The following SYT9 variants were observed in gnomAD, a reference collection of about 807,000 sequenced individuals.
SYT9 encodes the protein synaptotagmin-9.
In SYT9, 22 loss-of-function variants were observed where a neutral mutation model predicts 48.4. The observed-to-expected ratio is 0.45, with a 90% CI of 0.32 to 0.65. SYT9 has a LOEUF of 0.65. Among genes scored for constraint, SYT9 ranks in the 30% least tolerant of loss-of-function variants. SYT9 has a pLI of 0.03. For synonymous variants in SYT9, 265 were observed against 245.0 expected, an observed-to-expected ratio of 1.08 and a Z score of -0.76; for missense variants, 577 against 622.0, an observed-to-expected ratio of 0.93 and a Z score of 0.77.
chr11:7,404,506 A>G (rs915053607), intron 3 of SYT9, among the ~76,000 whole-genome samples: 2 of 152,176 alleles, frequency 1.3e-5, no homozygotes, highest in African/African-American at 4.8e-5. Flanking sequence ...TTTAGAGTAT[A>G]TATCTTTAAC....
At chr11:7,413,712 G>T (rs1590010456) in intron 3 of SYT9, among the ~76,000 whole-genome samples, 2 of 151,166 alleles carry the variant, frequency 1.3e-5, no homozygotes, top group South Asian at 4.2e-4. Context: ...TTGCTATTTT[G>T]GTTCTTTTCC....
intron 3 of SYT9, among the ~76,000 whole-genome samples, chr11:7,361,750 C>G (rs770609391): frequency 1.3e-5 from 2 of 152,130 alleles, no homozygotes; most frequent in Non-Finnish European, 2.9e-5. Context: ...GAAATGAGAT[C>G]AGCTGCATGT....
At chr11:7,452,710 A>T (rs1393962854) in intron 6 of SYT9, among the ~76,000 whole-genome samples, 1 of 151,880 alleles carries the variant, frequency 6.6e-6, no homozygotes, top group Non-Finnish European at 1.5e-5. Flanking sequence ...TTGCCCAGAG[A>T]GCTTTGAACG....
chr11:7,347,915 A>C (rs868387478), intron 3 of SYT9, among the ~76,000 whole-genome samples: 1 of 152,314 alleles, frequency 6.6e-6, no homozygotes, highest in Middle Eastern at 3.4e-3. Flanking sequence ...GCAGAAGGCT[A>C]AGTCTGTGGC....
At chr11:7,369,967 C>G (rs984633215) in intron 3 of SYT9, among the ~76,000 whole-genome samples, 2 of 152,014 alleles carry the variant, frequency 1.3e-5, no homozygotes, top group African/African-American at 4.8e-5. Flanking sequence ...AGTTGTTTAA[C>G]GGTGATTTGT....
chr11:7,449,169 C>A (rs11041386), intron 6 of SYT9, among the ~76,000 whole-genome samples: 48,531 of 151,402 alleles, frequency 0.32, 8,376 homozygotes, highest in African/African-American at 0.44. Context: ...CATGGCAAAA[C>A]CCTGTCTCTA....
Position 7,432,592 on chromosome 11 carries a change from C to A in SYT9, c.1467+11957C>A, listed in dbSNP as rs7127550. Among the ~76,000 whole-genome samples, 41 of 4,586 alleles carry A rather than the reference C, an allele frequency of 8.9e-3. 6 individuals are homozygous for A. Among genetic ancestry groups the A allele is most frequent in the East Asian group, 0.021 (3 of 140 alleles). 3.0% of individuals were successfully genotyped at this position (4,586 alleles called of 152,430 possible). ...AAAAAAAAAAAAAAAAATATATATA[C>A]ATATATATATATATATATATATATA... is the stretch of plus-strand genomic sequence containing the variant. On this transcript the variant is annotated intron_variant, in intron 6 of 6. Transcript: ENST00000318881.
At chr11:7,355,202 G>C (rs561602700) in intron 3 of SYT9, among the ~76,000 whole-genome samples, 156 of 152,294 alleles carry the variant, frequency 1.0e-3, no homozygotes, top group African/African-American at 3.6e-3. Flanking sequence ...CTAGATGGGA[G>C]TTTCCCAGCA....
chr11:7,411,307 C>T (rs1010421449), intron 3 of SYT9, among the ~76,000 whole-genome samples: 1 of 152,024 alleles, frequency 6.6e-6, no homozygotes, highest in Non-Finnish European at 1.5e-5. Flanking sequence ...TCTTTCTCTT[C>T]CTCATTTGTG....
chr11:7,377,205 A>C (rs1850470260), intron 3 of SYT9, among the ~76,000 whole-genome samples: 1 of 151,708 alleles, frequency 6.6e-6, no homozygotes, highest in South Asian at 2.1e-4. Context: ...TATGCCAGGC[A>C]CTGTTCTAGG....
At chr11:7,265,042 G>A (rs1848152597) in intron 1 of SYT9, among the ~76,000 whole-genome samples, 1 of 152,054 alleles carries the variant, frequency 6.6e-6, no homozygotes, top group Non-Finnish European at 1.5e-5. Context: ...AGTGTTGAAG[G>A]AATATTTTAA....
chr11:7,344,929 TACACACACACACAC>T (rs60652691), intron 3 of SYT9, among the ~76,000 whole-genome samples: 8 of 148,912 alleles, frequency 5.4e-5, no homozygotes, highest in Admixed American at 4.0e-4. Flanking sequence ...CTCATTATTT[TACACACACACACAC>T]ACACACACAC....
At chr11:7,440,875 C>G (rs974221723) in intron 6 of SYT9, 2 of 152,196 alleles carry the variant, frequency 1.3e-5, no homozygotes, top group Middle Eastern at 3.4e-3. Context: ...AAAACTGATA[C>G]CAGGAGGAAG....
chr11:7,387,836 T>C (rs1850690609), intron 3 of SYT9, among the ~76,000 whole-genome samples: 1 of 152,314 alleles, frequency 6.6e-6, no homozygotes, highest in East Asian at 1.9e-4. Flanking sequence ...ATTTCATATG[T>C]TTAATCAACC....
intron 1 of SYT9, among the ~76,000 whole-genome samples, chr11:7,265,938 T>C (rs1171601622): frequency 1.3e-5 from 2 of 152,114 alleles, no homozygotes; most frequent in African/African-American, 2.4e-5. Flanking sequence ...GGTTGCTTGA[T>C]TCCTGTAGGC....
At chr11:7,408,820 A>AT (rs978196426) in intron 3 of SYT9, among the ~76,000 whole-genome samples, 1 of 151,560 alleles carries the variant, frequency 6.6e-6, no homozygotes, top group African/African-American at 2.4e-5. Flanking sequence ...TTATTATTTC[A>AT]TTTTTTTTAA....
At chr11:7,304,815 A>G (rs1564854756) in intron 2 of SYT9, among the ~76,000 whole-genome samples, 1 of 152,230 alleles carries the variant, frequency 6.6e-6, no homozygotes, top group African/African-American at 2.4e-5. Flanking sequence ...AGTTCATGCA[A>G]TGTGCAGACT....
At chr11:7,274,314 C>T (rs1318727008) in intron 1 of SYT9, among the ~76,000 whole-genome samples, 1 of 134,280 alleles carries the variant, frequency 7.4e-6, no homozygotes, top group Non-Finnish European at 1.6e-5. Flanking sequence ...GTGTGAAGTT[C>T]ATCTTTTTTT....
intron 3 of SYT9, among the ~76,000 whole-genome samples, chr11:7,365,613 T>C (rs12280711): frequency 0.11 from 16,960 of 151,752 alleles, 1,226 homozygotes; most frequent in African/African-American, 0.21. Context: ...TTTAAAAAAA[T>C]AAATGAATGA....
Sources: gnomAD v4.1 joint callset for allele counts (sites outside exome capture counted in the v4.1 genomes callset) on GRCh38, gnomAD v4.1.1 for gene constraint, MANE v1.5 for transcripts, NCBI Gene and HGNC (gene_info 2026-07-23, HGNC 2026-07-21) for gene names.